GEMIN5: variants seen among roughly 807,000 people sequenced by gnomAD.
GEMIN5 encodes gem nuclear organelle associated protein 5, also known as gem-associated protein 5.
Under a neutral mutation model 176.9 loss-of-function variants are expected in GEMIN5, and 124 were observed. The observed-to-expected ratio is 0.70, with a 90% CI of 0.61 to 0.81. The LOEUF (loss-of-function observed/expected upper bound fraction) is 0.81. GEMIN5 is among the 40% of genes least tolerant of loss of function. The pLI, the probability that GEMIN5 is intolerant of heterozygous loss-of-function variation, is 0.00. For synonymous variants in GEMIN5, 673 were observed against 665.2 expected (o/e 1.01, Z -0.18); for missense variants, 1,843 against 1,814.6 (o/e 1.02, Z -0.28).
chr5:154,933,242 C>T (rs111392481), intron 3 of GEMIN5, among the ~76,000 whole-genome samples: 1,578 of 152,224 alleles, frequency 0.01, 31 homozygotes, highest in African/African-American at 0.036. Flanking sequence ...TCATTCCTAG[C>T]CTTTCTTTGT....
In GEMIN5 at chr5:154,892,454, C is replaced by T. The variant is rs1445247501; in HGVS notation, c.3693G>A (p.Val1231=). 1 of 1,614,088 alleles carries T rather than the reference C, an allele frequency of 6.2e-7. No homozygotes were observed. The highest frequency in any genetic ancestry group is 8.5e-7 in the Non-Finnish European group (1 of 1,180,034). ...AGCTCCCTGAGTCATAGCTCCGGAC[C>T]ACCGCCCGAAGGAGCGCCTGCACAG... is the stretch of plus-strand genomic sequence containing the variant. The part of the protein sequence containing the change: ...DEAVQALLRA[V]VRSYDSGSFT... The change falls in exon 25 of 28, where the codon GTG becomes GTA. Residue 1231 remains valine, a synonymous_variant. Transcript: ENST00000285873.
rs55647433 is a variant in GEMIN5, at chr5:154,888,869, T to TG, written c.4359+451_4359+452insC. On this transcript the variant is annotated intron_variant, in intron 27 of 27. Coordinates refer to ENST00000285873, the MANE Select transcript of GEMIN5 (RefSeq NM_015465.5). ...TAAATTCTTTTTTTTTGTTTTGTTT[T>TG]TTTTTTGAGACAGAGTCTCGCTCTG... Among the ~76,000 whole-genome samples, 20 of 142,108 alleles carry TG rather than the reference T, an allele frequency of 1.4e-4. 1 individual carries two copies. Among genetic ancestry groups the TG allele is most frequent in the Admixed American group, 5.0e-4 (7 of 14,040 alleles). The allele number at this position is 142,108 out of a possible 152,430, so 93.2% of individuals were successfully genotyped here. A position where few individuals can be genotyped will look rare whatever the true frequency, so the allele number is the denominator to read the frequency against.
At chr5:154,916,487 T>G (rs1013250984) in intron 13 of GEMIN5, among the ~76,000 whole-genome samples, 8 of 150,884 alleles carry the variant, frequency 5.3e-5, no homozygotes, top group Admixed American at 1.3e-4. Flanking sequence ...GAAAACTTCA[T>G]TTTTTTTTCT....
In GEMIN5 at chr5:154,896,190, T is replaced by A. The variant is rs748974130; in HGVS notation, c.3499A>T (p.Ile1167Phe). Residue 1167 changes from isoleucine (I) to phenylalanine (F), a missense_variant, in exon 24 of 28, where the codon ATC (isoleucine) becomes TTC (phenylalanine). Transcript: ENST00000285873. ...TGCTCAGGGGTGTCAAGGCTGAAGA[T>A]GCTCTTCCACACTGCAGTCACCCTC... ...VERVTAVWKS[I>F]FSLDTPEQYQ... 4 of 1,614,054 alleles carry A rather than the reference T, an allele frequency of 2.5e-6. No homozygotes were observed. In the East Asian group the frequency reaches 8.9e-5, roughly 36 times the overall value.
intron 2 of GEMIN5, 30 bp from the exon 3 acceptor site, chr5:154,936,052 T>C (rs1159890883): frequency 3.7e-6 from 5 of 1,369,588 alleles, no homozygotes; most frequent in Non-Finnish European, 5.0e-6. Context: ...TTTGTTATTG[T>C]CAATGCTGAA....
chr5:154,918,044 C>A, intron 11 of GEMIN5, 40 bp from the exon 12 acceptor site: 1 of 1,282,936 alleles, frequency 7.8e-7, no homozygotes, highest in Non-Finnish European at 1.1e-6. Context: ...ATATACATAT[C>A]TCACAAATCA....
rs1764023527 is a variant in GEMIN5, at chr5:154,926,047, C to G, written c.1108G>C (p.Glu370Gln). The G allele has an allele frequency of 6.2e-7, 1 of 1,612,806 alleles. No homozygotes were observed. ...DVKCWDIATL[E>Q]CSWTLPSLGG... The stretch of plus-strand genomic sequence containing the variant: ...AGGGAAGGAAGGGTCCAGCTGCACT[C>G]CAAGGTGGCTATGTCCCAACATTTT... Residue 370 changes from glutamate to glutamine, a missense_variant, in exon 8 of 28, where the codon GAG becomes CAG. Glu to Gln is a conservative substitution (Grantham distance 29, BLOSUM62 2). Transcript: ENST00000285873.
intron 15 of GEMIN5, among the ~76,000 whole-genome samples, chr5:154,909,133 ATTTTTTTT>A (rs70981958): frequency 4.0e-5 from 4 of 99,732 alleles, no homozygotes; most frequent in African/African-American, 4.0e-5. Context: ...TAATTTTTGT[ATTTTTTTT>A]TTTTTTTTTT....
At position 154,892,449 on chromosome 5, in the gene GEMIN5, C is replaced by A; in HGVS notation, c.3698G>T (p.Arg1233Leu). The A allele has an allele frequency of 6.2e-7, 1 of 1,614,164 alleles. No individual in the cohort carries two copies. The highest frequency in any genetic ancestry group is 8.5e-7 in the Non-Finnish European group (1 of 1,180,022). Residue 1233 changes from arginine (R) to leucine (L), a missense_variant, in exon 25 of 28, where the codon CGG (arginine) becomes CTG (leucine). By Grantham distance (102) the Arg-to-Leu change is moderately radical. Coordinates refer to ENST00000285873, the MANE Select transcript of GEMIN5 (RefSeq NM_015465.5). Reference protein sequence around the residue: ...AVQALLRAVVRSYDSGSFTIM... With the variant: ...AVQALLRAVVLSYDSGSFTIM... The stretch of plus-strand genomic sequence containing the variant: ...GGTGAAGCTCCCTGAGTCATAGCTC[C>A]GGACCACCGCCCGAAGGAGCGCCTG...
rs1044326262 is a variant in GEMIN5, at chr5:154,912,005, G to A, written c.1996-107C>T. On this transcript the variant is annotated intron_variant, in intron 14 of 27. Transcript: ENST00000285873. ...AAAACAAAAAACAAAAACAATCTGC[G>A]GCCTCTTATTTCCTCAGGTGATTTA... 36 of 1,001,292 alleles carry A rather than the reference G, an allele frequency of 3.6e-5. No individual in the cohort carries two copies. The African/African-American group carries it at 4.6e-4, about 13-fold the overall frequency. The allele number at this position is 1,001,292 out of a possible 1,614,324, so 62.0% of individuals were successfully genotyped here.
At chr5:154,929,181 G>A (rs1764107857) in intron 5 of GEMIN5, among the ~76,000 whole-genome samples, 1 of 152,156 alleles carries the variant, frequency 6.6e-6, no homozygotes, top group Non-Finnish European at 1.5e-5. Context: ...CTGAGATCGT[G>A]CCACTGCACT....
intron 2 of GEMIN5, 93 bp from the exon 3 acceptor site, chr5:154,936,115 A>G (rs1764263395): frequency 2.5e-6 from 2 of 785,314 alleles, no homozygotes; most frequent in Admixed American, 5.5e-5. Flanking sequence ...CTACATATAC[A>G]CATTAAAAGT....
intron 11 of GEMIN5, among the ~76,000 whole-genome samples, chr5:154,919,452 G>T (rs1763877017): frequency 6.6e-6 from 1 of 152,132 alleles, no homozygotes; most frequent in African/African-American, 2.4e-5. Flanking sequence ...TGGGAATCTG[G>T]GTAAAGGATA....
intron 26 of GEMIN5, 104 bp from the exon 27 acceptor site, chr5:154,889,521 C>A: frequency 3.5e-6 from 2 of 565,634 alleles, no homozygotes; most frequent in Non-Finnish European, 6.3e-6. Flanking sequence ...ATAAAGCTTA[C>A]CATCTTAGCC....
chr5:154,923,113 C>G (rs1763961303), intron 9 of GEMIN5, among the ~76,000 whole-genome samples: 1 of 151,856 alleles, frequency 6.6e-6, no homozygotes, highest in African/African-American at 2.4e-5. Flanking sequence ...GGCACGGTAG[C>G]TAACATCTGT....
Position 154,891,589 on chromosome 5 carries a change from G to A in GEMIN5, c.3914C>T (p.Ala1305Val). Residue 1305 changes from alanine (A) to valine (V), a missense_variant, in exon 26 of 28, where the codon GCT (alanine) becomes GTT (valine). Transcript: ENST00000285873. ...CTCAACAGAGAGTGTTCTGTGACCAGCCCTTACCCAGACACTGGAATTTGG... is the reference window on the plus strand; with the variant it reads ...CTCAACAGAGAGTGTTCTGTGACCAACCCTTACCCAGACACTGGAATTTGG... The part of the protein sequence containing the change: ...PCPNSSVWVR[A>V]GHRTLSVEPS... 6.2e-7 allele frequency: 1 copy of A among 1,614,106 alleles called. No homozygotes were observed. Among genetic ancestry groups the A allele is most frequent in the Non-Finnish European group, 8.5e-7 (1 of 1,180,002 alleles).
intron 25 of GEMIN5, among the ~76,000 whole-genome samples, chr5:154,891,950 A>G (rs1763240699): frequency 6.6e-6 from 1 of 152,046 alleles, no homozygotes; most frequent in Non-Finnish European, 1.5e-5. Flanking sequence ...TCTCATTACT[A>G]CATCCTAGGA....
At chr5:154,930,874 C>T (rs1348294187) in intron 5 of GEMIN5, among the ~76,000 whole-genome samples, 4 of 151,944 alleles carry the variant, frequency 2.6e-5, no homozygotes, top group Non-Finnish European at 4.4e-5. Context: ...AAGAGAAGCC[C>T]GCTAGAAAGA....
chr5:154,904,990 C>T (rs1763541116), intron 17 of GEMIN5, among the ~76,000 whole-genome samples: 2 of 151,792 alleles, frequency 1.3e-5, no homozygotes, highest in Non-Finnish European at 2.9e-5. Flanking sequence ...GCCAGCAGTT[C>T]GAGACCAGCC....
Sources: allele counts gnomAD v4.1 joint callset (sites outside exome capture counted in the v4.1 genomes callset), GRCh38; gene constraint gnomAD v4.1.1; transcripts MANE v1.5; gene names NCBI Gene and HGNC (gene_info 2026-07-23, HGNC 2026-07-21).